Variants in RBFOX3 observed in about 807,000 individuals in gnomAD.
The protein encoded by RBFOX3 is RNA binding fox-1 homolog 3, also known as RNA binding protein fox-1 homolog 3.
RBFOX3 carries 17 observed loss-of-function variants against 48.7 expected under a neutral mutation model. The ratio of observed to expected loss-of-function variants is 0.35; its 90% CI spans 0.24 to 0.52. The LOEUF (loss-of-function observed/expected upper bound fraction) is 0.52. RBFOX3 is among the 20% of genes least tolerant of loss of function. The pLI, the probability that RBFOX3 is intolerant of heterozygous loss-of-function variation, is 0.94. For synonymous variants in RBFOX3, 212 were observed against 209.5 expected, an observed-to-expected ratio of 1.01 and a Z score of -0.10; for missense variants, 382 against 497.5, an observed-to-expected ratio of 0.77 and a Z score of 2.21.
intron 4 of RBFOX3, among the ~76,000 whole-genome samples, chr17:79,218,200 G>A (rs746326765): frequency 7.2e-5 from 11 of 152,046 alleles, no homozygotes; most frequent in Non-Finnish European, 1.6e-4. Flanking sequence ...AATCGAGCTG[G>A]CGAGGCTGGG....
chr17:79,548,604 G>A (rs556042145), intron 1 of RBFOX3, among the ~76,000 whole-genome samples: 2 of 152,240 alleles, frequency 1.3e-5, no homozygotes, highest in Non-Finnish European at 2.9e-5. Context: ...CTGGAGAGGG[G>A]CCCAGCTCAG....
intron 2 of RBFOX3, among the ~76,000 whole-genome samples, chr17:79,430,066 A>G (rs2068129549): frequency 6.6e-6 from 1 of 152,172 alleles, no homozygotes; most frequent in Non-Finnish European, 1.5e-5. Context: ...CCCTGGAGAC[A>G]TCAGCGCACC....
At chr17:79,235,051 T>G (rs1256217645) in intron 4 of RBFOX3, 1 of 152,144 alleles carries the variant, frequency 6.6e-6, no homozygotes, top group African/African-American at 2.4e-5. Flanking sequence ...TATTTTTGAC[T>G]TACAATATTT....
At chr17:79,313,943 C>A (rs930354787) in intron 2 of RBFOX3, among the ~76,000 whole-genome samples, 1 of 152,218 alleles carries the variant, frequency 6.6e-6, no homozygotes, top group Non-Finnish European at 1.5e-5. Context: ...TTCATCCTCA[C>A]TTGCATGTCC....
At chr17:79,327,257 G>T (rs568423659) in intron 2 of RBFOX3, among the ~76,000 whole-genome samples, 1 of 152,176 alleles carries the variant, frequency 6.6e-6, no homozygotes, top group South Asian at 2.1e-4. Flanking sequence ...GCAAAGTGAT[G>T]ATCACACCCT....
chr17:79,461,315 A>C (rs1219045045), intron 2 of RBFOX3, among the ~76,000 whole-genome samples: 3 of 152,220 alleles, frequency 2.0e-5, no homozygotes, highest in Non-Finnish European at 4.4e-5. Context: ...GTCACAGAGA[A>C]ATATTCTCTT....
intron 2 of RBFOX3, among the ~76,000 whole-genome samples, chr17:79,342,974 A>G (rs1280627829): frequency 6.8e-6 from 1 of 147,582 alleles, no homozygotes; most frequent in Non-Finnish European, 1.5e-5. Context: ...GAGAAAGAGA[A>G]AGAGCGAGAG....
chr17:79,295,023 C>T (rs1472779608), intron 3 of RBFOX3, among the ~76,000 whole-genome samples: 2 of 152,122 alleles, frequency 1.3e-5, no homozygotes, highest in African/African-American at 2.4e-5. Context: ...CCACTTCGAT[C>T]GTGATGTGTT....
intron 1 of RBFOX3, among the ~76,000 whole-genome samples, chr17:79,608,821 G>C (rs1007716432): frequency 2.0e-5 from 3 of 152,162 alleles, no homozygotes; most frequent in Non-Finnish European, 4.4e-5. Context: ...CCTGGGGGAG[G>C]GGCGGGGGGG....
chr17:79,433,858 G>A lies in RBFOX3; in HGVS notation c.-175+48596C>T, dbSNP rs145669071. Among the ~76,000 whole-genome samples the A allele has an allele frequency of 3.1e-4, 47 of 152,330 alleles. 2 individuals carry two copies. The East Asian group carries it at 7.7e-3, about 25-fold the overall frequency. The stretch of plus-strand genomic sequence containing the variant: ...GCTAAGTTCCTGCAAGCTTCTGGTC[G>A]CAAAAGTTTCATCGGTCAATCAGTA... On this transcript the variant is annotated intron_variant, in intron 2 of 14. Transcript: ENST00000693108.
At chr17:79,478,532 C>A (rs1452723916) in intron 2 of RBFOX3, among the ~76,000 whole-genome samples, 1 of 152,270 alleles carries the variant, frequency 6.6e-6, no homozygotes, top group Non-Finnish European at 1.5e-5. Context: ...GATGCTCCCC[C>A]ATCCCCAAAA....
Position 79,473,441 on chromosome 17 carries a change from A to G in RBFOX3, c.-175+9013T>C, listed in dbSNP as rs953177749. Among the ~76,000 whole-genome samples, 17 of 152,264 alleles carry G rather than the reference A, an allele frequency of 1.1e-4. No individual in the cohort carries two copies. The highest frequency in any genetic ancestry group is 1.5e-5 in the Non-Finnish European group (1 of 68,044). ...TATTTTGGGACGAGAACCTCGGGTA[A>G]GATAACCTGCTCACATGTGTCATTC... On this transcript the variant is annotated intron_variant, in intron 2 of 14. Coordinates refer to ENST00000693108, the MANE Select transcript of RBFOX3 (RefSeq NM_001350451.2). This position sits in a 1 kb window ranked among gnomAD's most constrained non-coding sequence, Gnocchi z 4.2.
Position 79,332,853 on chromosome 17 carries a change from G to A in RBFOX3, c.-174-25029C>T, listed in dbSNP as rs2080582943. On this transcript the variant is annotated intron_variant, in intron 2 of 14. Coordinates refer to ENST00000693108, the MANE Select transcript of RBFOX3 (RefSeq NM_001350451.2). ...GAGAAAGAGAGAGAGATGGGGTGGG[G>A]GAGAGAGAGAGACAGAAAAACAGAG... Among the ~76,000 whole-genome samples the A allele has an allele frequency of 2.0e-5, 3 of 150,572 alleles. No homozygotes were observed. In the Admixed American group the frequency reaches 2.0e-4, roughly 10 times the overall value.
intron 4 of RBFOX3, among the ~76,000 whole-genome samples, chr17:79,215,090 G>A (rs1200748044): frequency 6.6e-6 from 1 of 152,192 alleles, no homozygotes; most frequent in African/African-American, 2.4e-5. Context: ...TCCTGGGCAG[G>A]GCAATGTTCA....
At chr17:79,164,413 C>A (rs576120827) in intron 4 of RBFOX3, among the ~76,000 whole-genome samples, 1 of 152,222 alleles carries the variant, frequency 6.6e-6, no homozygotes, top group Non-Finnish European at 1.5e-5. Context: ...CTTGGCTGTG[C>A]AGTCCGCAGC....
chr17:79,092,108 G>C (rs560588688), intron 14 of RBFOX3: 3 of 985,414 alleles, frequency 3.0e-6, no homozygotes, highest in Non-Finnish European at 3.6e-6. Context: ...CTGCGTCAGG[G>C]TGCTGGACAC....
Position 79,519,468 on chromosome 17 carries a change from A to C in RBFOX3, c.-319-36870T>G, listed in dbSNP as rs989382480. ...TGGGTACGGGGAACAGAGCCCCTCA[A>C]GAGGGAGGAGGCCACAGCCCTGCTT... On this transcript the variant is annotated intron_variant, in intron 1 of 14. Transcript: ENST00000693108. 5.9e-5 allele frequency among the ~76,000 whole-genome samples: 9 copies of C among 152,326 alleles called. 1 individual carries two copies. Among genetic ancestry groups the C allele is most frequent in the Admixed American group, 2.0e-4 (3 of 15,312 alleles).
chr17:79,551,848 G>A lies in RBFOX3; in HGVS notation c.-320+58978C>T, dbSNP rs956446108. ...CACTAGAAACAGATGCCAACACTAC[G>A]CTTCATGTACAGCCTGCTCATGGCC... On this transcript the variant is annotated intron_variant, in intron 1 of 14. Coordinates refer to ENST00000693108, the MANE Select transcript of RBFOX3 (RefSeq NM_001350451.2). 1.0e-3 allele frequency among the ~76,000 whole-genome samples: 159 copies of A among 152,222 alleles called. 1 individual carries two copies. Among genetic ancestry groups the A allele is most frequent in the African/African-American group, 3.7e-3 (154 of 41,514 alleles).
Position 79,112,582 on chromosome 17 carries a change from C to T in RBFOX3, c.222+2912G>A, listed in dbSNP as rs189995964. On this transcript the variant is annotated intron_variant, in intron 5 of 14. Transcript: ENST00000693108. Reference sequence around the variant, plus strand: ...AGGGGCCACTGCTCTCTCCCATCGACGCCATCAGCCCCAGGTCCTAGAACG... The same window carrying T: ...AGGGGCCACTGCTCTCTCCCATCGATGCCATCAGCCCCAGGTCCTAGAACG... Among the ~76,000 whole-genome samples, 25 of 152,242 alleles carry T rather than the reference C, an allele frequency of 1.6e-4. No individual in the cohort carries two copies. In the East Asian group the frequency reaches 2.1e-3, roughly 13 times the overall value.
Sources: gnomAD v4.1 joint callset for allele counts (sites outside exome capture counted in the v4.1 genomes callset) on GRCh38, gnomAD v4.1.1 for gene constraint, Gnocchi (gnomAD v3.1) non-coding constraint, MANE v1.5 for transcripts, NCBI Gene and HGNC (gene_info 2026-07-23, HGNC 2026-07-21) for gene names.